Variants in CCNL1 observed in about 807,000 individuals in gnomAD.
The protein encoded by CCNL1 is cyclin-L1.
CCNL1 carries 13 observed loss-of-function variants against 60.6 expected under a neutral mutation model. That is an observed-to-expected ratio of 0.21 (90% CI 0.14 to 0.34). The LOEUF is 0.34. Among genes scored for constraint, CCNL1 ranks in the 10% least tolerant of loss-of-function variants. The pLI is 1.00. For synonymous variants in CCNL1, 270 were observed against 244.3 expected, an observed-to-expected ratio of 1.10 and a Z score of -0.98; for missense variants, 481 against 664.3, an observed-to-expected ratio of 0.72 and a Z score of 3.03.
At chr3:157,151,060 ACAGAT>A in intron 5 of CCNL1, 1 of 984,822 alleles carries the variant, frequency 1.0e-6, no homozygotes, top group Non-Finnish European at 1.2e-6. Context: ...AAGAAATTTT[ACAGAT>A]CATTTAAAAG....
chr3:157,146,961 G>C (rs1737806554), downstream of CCNL1, among the ~76,000 whole-genome samples: 1 of 152,194 alleles, frequency 6.6e-6, no homozygotes, highest in East Asian at 1.9e-4. Context: ...CTCCTTCAAA[G>C]TAGTTGCCTT....
At position 157,147,653 on chromosome 3, in the gene CCNL1, A is replaced by G. The variant is rs1737836962; in HGVS notation, c.*588T>C. ...ACAGTGAAGACTTACAATAGCTCAC[A>G]ATGCAGTTAAGAATTGCATTTTAAT... On this transcript the variant is annotated 3_prime_UTR_variant, in exon 11 of 11. Transcript: ENST00000295926. 9.1e-6 allele frequency: 9 copies of G among 984,864 alleles called. No individual in the cohort carries two copies. Among genetic ancestry groups the G allele is most frequent in the Admixed American group, 6.1e-5 (1 of 16,270 alleles). The allele number at this position is 984,864 out of a possible 1,614,324, so 61.0% of individuals were successfully genotyped here.
At chr3:157,149,674 A>G in intron 8 of CCNL1, 78 bp from the exon 9 acceptor site, 1 of 1,483,494 alleles carries the variant, frequency 6.7e-7, no homozygotes, top group Non-Finnish European at 9.2e-7. Context: ...ATGTAACTCA[A>G]AGTACCATGC....
downstream of CCNL1, among the ~76,000 whole-genome samples, chr3:157,146,118 G>GGAGGT (rs1167054202): frequency 1.3e-5 from 2 of 152,168 alleles, no homozygotes; most frequent in Non-Finnish European, 2.9e-5. Context: ...AGCAAGGGTG[G>GGAGGT]GAGGTGGAGT....
chr3:157,150,017 T>C, intron 7 of CCNL1, 40 bp from the exon 8 acceptor site: 1 of 1,609,654 alleles, frequency 6.2e-7, no homozygotes, highest in Non-Finnish European at 8.5e-7. Context: ...TTCCTTAGAG[T>C]AGCTTGGACT....
In CCNL1 at chr3:157,148,198, T is replaced by A; in HGVS notation, c.*43A>T. 1 of 1,581,384 alleles carries A rather than the reference T, an allele frequency of 6.3e-7. No individual in the cohort carries two copies. Among genetic ancestry groups the A allele is most frequent in the Non-Finnish European group, 8.6e-7 (1 of 1,164,912 alleles). ...TTGAGTCCATACATCACACTGTAGA[T>A]AGGCAAAACCAAGAACTGATGCAGG... On this transcript the variant is annotated 3_prime_UTR_variant, in exon 11 of 11. Coordinates refer to ENST00000295926, the MANE Select transcript of CCNL1 (RefSeq NM_020307.4).
At chr3:157,146,664 G>A (rs1047069006), downstream of CCNL1, 20 of 372,768 alleles carry the variant, frequency 5.4e-5, no homozygotes, top group Middle Eastern at 4.1e-4. Context: ...TGCTAACAGG[G>A]CCTTTGCTGA....
chr3:157,153,393 T>A, intron 3 of CCNL1: 1 of 380,054 alleles, frequency 2.6e-6, no homozygotes, highest in South Asian at 3.5e-5. Flanking sequence ...AAATTCACTC[T>A]AATGTTCTTG....
At chr3:157,155,837 C>G (rs1738580120) in intron 3 of CCNL1, among the ~76,000 whole-genome samples, 1 of 152,146 alleles carries the variant, frequency 6.6e-6, no homozygotes, top group African/African-American at 2.4e-5. Context: ...TTGAAAATCT[C>G]TTTAAAAAAG....
Position 157,148,479 on chromosome 3 carries a change from A to G in CCNL1, c.1343T>C (p.Leu448Pro), listed in dbSNP as rs528424179. The G allele has an allele frequency of 6.2e-7, 1 of 1,614,166 alleles. No homozygotes were observed. Among genetic ancestry groups the G allele is most frequent in the South Asian group, 1.1e-5 (1 of 91,082 alleles). ...ATCATCTCTGGTATGCTTGGCCTTA[A>G]GGTGAGGAGAACCATGATTATGATG... is the stretch of plus-strand genomic sequence containing the variant. ...RRHHNHGSPH[L>P]KAKHTRDDLK... The change falls in exon 11 of 11, where the codon CTT (leucine) becomes CCT (proline). Residue 448 changes from leucine to proline, a missense_variant. Coordinates refer to ENST00000295926, the MANE Select transcript of CCNL1 (RefSeq NM_020307.4).
chr3:157,152,371 AATGTACAT>A (rs1320606241), intron 4 of CCNL1, 130 bp from the exon 5 acceptor site: 3 of 1,430,352 alleles, frequency 2.1e-6, no homozygotes, highest in African/African-American at 2.9e-5. Context: ...GACCAATTTA[AATGTACAT>A]AAGATTCTAA....
At chr3:157,155,599 T>C (rs1382342901) in intron 3 of CCNL1, among the ~76,000 whole-genome samples, 1 of 152,208 alleles carries the variant, frequency 6.6e-6, no homozygotes, top group Non-Finnish European at 1.5e-5. Flanking sequence ...CAGAATTGGT[T>C]CTACCTCACA....
intron 3 of CCNL1, 98 bp downstream of exon 3, chr3:157,158,768 C>G: frequency 1.4e-6 from 1 of 709,238 alleles, no homozygotes; most frequent in Non-Finnish European, 2.4e-6. Context: ...TTTTCTTTTG[C>G]ATCCGTATTC....
downstream of CCNL1, among the ~76,000 whole-genome samples, chr3:157,145,201 CA>C (rs778209972): frequency 9.2e-5 from 14 of 151,920 alleles, no homozygotes; most frequent in Non-Finnish European, 1.9e-4. Flanking sequence ...CTTTGGGAGG[CA>C]AGGCAGGTGG....
chr3:157,150,896 A>ATTAAG (rs1738142317), intron 5 of CCNL1: 1 of 984,396 alleles, frequency 1.0e-6, no homozygotes, highest in Admixed American at 6.1e-5. Flanking sequence ...AGATACTTAG[A>ATTAAG]AAATCTAGAT....
intron 8 of CCNL1, 113 bp from the exon 9 acceptor site, chr3:157,149,709 C>A: frequency 6.9e-7 from 1 of 1,458,574 alleles, no homozygotes; most frequent in Non-Finnish European, 9.4e-7. Context: ...TGGTTGACTG[C>A]CATGAGAGAA....
intron 5 of CCNL1, chr3:157,151,808 G>A (rs1248148437): frequency 9.0e-7 from 1 of 1,113,020 alleles, no homozygotes; most frequent in African/African-American, 1.7e-5. Context: ...GACCACTTCA[G>A]TGAATCTCGG....
In CCNL1 at chr3:157,147,720, C is replaced by A. The variant is rs1737841918; in HGVS notation, c.*521G>T. On this transcript the variant is annotated 3_prime_UTR_variant, in exon 11 of 11. Coordinates refer to ENST00000295926, the MANE Select transcript of CCNL1 (RefSeq NM_020307.4). ...CTAATGGAGGAAAGAATAAGTTTGTCAGAAAACCAGTACAGCCATTTTGCT... is the reference window on the plus strand; with the variant it reads ...CTAATGGAGGAAAGAATAAGTTTGTAAGAAAACCAGTACAGCCATTTTGCT... 1.0e-6 allele frequency: 1 copy of A among 985,098 alleles called. No individual in the cohort carries two copies. The highest frequency in any genetic ancestry group is 4.7e-5 in the South Asian group (1 of 21,274). The allele number at this position is 985,098 out of a possible 1,614,324, so 61.0% of individuals were successfully genotyped here.
downstream of CCNL1, among the ~76,000 whole-genome samples, chr3:157,146,842 G>C (rs1737801822): frequency 1.3e-5 from 2 of 152,204 alleles, no homozygotes; most frequent in Admixed American, 6.5e-5. Context: ...CAAGCATGAA[G>C]TGGCTAACTT....
Sources: allele counts gnomAD v4.1 joint callset (sites outside exome capture counted in the v4.1 genomes callset), GRCh38; gene constraint gnomAD v4.1.1; transcripts MANE v1.5; gene names NCBI Gene and HGNC (gene_info 2026-07-23, HGNC 2026-07-21).